Variants in PPM1E observed in about 807,000 individuals in gnomAD.
The protein encoded by PPM1E is protein phosphatase, Mg2+/Mn2+ dependent 1E, also known as protein phosphatase 1E.
Under a neutral mutation model 65.9 loss-of-function variants are expected in PPM1E, and 20 were observed. The observed-to-expected ratio is 0.30, with a 90% CI of 0.21 to 0.44. The LOEUF is 0.44. PPM1E is among the 20% of genes least tolerant of loss of function. The pLI is 1.00. For synonymous variants in PPM1E, 352 were observed against 374.9 expected (o/e 0.94, Z 0.70); for missense variants, 713 against 953.1 (o/e 0.75, Z 3.32).
At chr17:58,833,015 G>A (rs1332696691) in intron 1 of PPM1E, among the ~76,000 whole-genome samples, 4 of 151,688 alleles carry the variant, frequency 2.6e-5, no homozygotes, top group South Asian at 2.1e-4. Context: ...TAGTAGAGAC[G>A]GGGTTTCACC....
chr17:58,953,030 C>A (rs1200546425), intron 1 of PPM1E, among the ~76,000 whole-genome samples: 1 of 152,118 alleles, frequency 6.6e-6, no homozygotes, highest in Non-Finnish European at 1.5e-5. Flanking sequence ...TGACTGAAAA[C>A]CTATGAGCTA....
intron 1 of PPM1E, among the ~76,000 whole-genome samples, chr17:58,853,762 CAG>C (rs1419930827): frequency 1.3e-5 from 2 of 152,072 alleles, no homozygotes; most frequent in African/African-American, 4.8e-5. Flanking sequence ...ACCCGGGAGA[CAG>C]AGGTTGCAGT....
chr17:58,845,381 A>G (rs2050761105), intron 1 of PPM1E, among the ~76,000 whole-genome samples: 1 of 151,766 alleles, frequency 6.6e-6, no homozygotes. Context: ...TAAGTATACA[A>G]TTTATTGGTA....
At chr17:58,787,444 A>T (rs886885914) in intron 1 of PPM1E, among the ~76,000 whole-genome samples, 2 of 152,008 alleles carry the variant, frequency 1.3e-5, no homozygotes, top group Admixed American at 6.6e-5. Flanking sequence ...TTTGTTTGGT[A>T]AAAATGGAAA....
At chr17:58,798,435 G>C (rs1232700617) in intron 1 of PPM1E, among the ~76,000 whole-genome samples, 1 of 150,928 alleles carries the variant, frequency 6.6e-6, no homozygotes, top group Non-Finnish European at 1.5e-5. Flanking sequence ...ATGTTGGTCA[G>C]ACTGGTCTCG....
intron 1 of PPM1E, among the ~76,000 whole-genome samples, chr17:58,851,724 G>C (rs996141472): frequency 8.5e-5 from 13 of 152,176 alleles, no homozygotes; most frequent in African/African-American, 3.1e-4. Context: ...GCTACTCCTG[G>C]GTCAGGGACC....
intron 1 of PPM1E, among the ~76,000 whole-genome samples, chr17:58,876,760 C>A (rs1170281672): frequency 6.6e-6 from 1 of 152,138 alleles, no homozygotes; most frequent in Non-Finnish European, 1.5e-5. Context: ...AAAAAATATA[C>A]CTGTCAGTTG....
At chr17:58,874,489 C>A (rs990222302) in intron 1 of PPM1E, among the ~76,000 whole-genome samples, 3 of 152,084 alleles carry the variant, frequency 2.0e-5, no homozygotes, top group Non-Finnish European at 2.9e-5. Context: ...CTAATAGTTA[C>A]AGAAATCTTC....
At chr17:58,796,784 C>T (rs1003689682) in intron 1 of PPM1E, among the ~76,000 whole-genome samples, 16 of 152,058 alleles carry the variant, frequency 1.1e-4, no homozygotes, top group Non-Finnish European at 2.9e-5. Context: ...ATACATCATT[C>T]TATCCATTTT....
intron 1 of PPM1E, among the ~76,000 whole-genome samples, chr17:58,941,691 CAAA>C (rs772567524): frequency 3.2e-5 from 2 of 63,044 alleles, no homozygotes; most frequent in African/African-American, 1.3e-4. Context: ...GACTCCATCT[CAAA>C]AAAAAAAAAA....
Position 58,980,659 on chromosome 17 carries a change from G to C in PPM1E, c.1896G>C (p.Leu632Phe). 6.2e-7 allele frequency: 1 copy of C among 1,614,130 alleles called. No homozygotes were observed. Among genetic ancestry groups the C allele is most frequent in the South Asian group, 1.1e-5 (1 of 91,076 alleles). ...GAGEFPTAFN[L>F]GSTGEQIYRM... ...GAGAGTTTCCCACTGCTTTCAATTT[G>C]GGTTCAACAGGGGAGCAGATATACA... The change falls in exon 7 of 7, where the codon TTG becomes TTC. Residue 632 changes from leucine to phenylalanine, a missense_variant. Physicochemically the swap from Leu to Phe is conservative, Grantham distance 22 (BLOSUM62 0). Coordinates refer to ENST00000308249, the MANE Select transcript of PPM1E (RefSeq NM_014906.5). The surrounding 1 kb of genome is among the most constrained non-coding windows in gnomAD (Gnocchi z 4.7).
At chr17:58,793,648 G>C (rs2050178081) in intron 1 of PPM1E, among the ~76,000 whole-genome samples, 1 of 152,002 alleles carries the variant, frequency 6.6e-6, no homozygotes, top group South Asian at 2.1e-4. Flanking sequence ...GAGCCACTGT[G>C]CCTGGCCAAA....
At chr17:58,928,856 C>G (rs2051857669) in intron 1 of PPM1E, among the ~76,000 whole-genome samples, 1 of 151,996 alleles carries the variant, frequency 6.6e-6, no homozygotes, top group Admixed American at 6.6e-5. Context: ...GCGCCCACCA[C>G]CACGCCCGGC....
At chr17:58,777,514 C>T (rs2050005789) in intron 1 of PPM1E, among the ~76,000 whole-genome samples, 1 of 151,956 alleles carries the variant, frequency 6.6e-6, no homozygotes, top group Non-Finnish European at 1.5e-5. Flanking sequence ...AATATGACAC[C>T]AGTATGAAAC....
chr17:58,784,528 G>A (rs1011681735), intron 1 of PPM1E, among the ~76,000 whole-genome samples: 10 of 144,042 alleles, frequency 6.9e-5, no homozygotes, highest in African/African-American at 2.5e-4. Context: ...TTGAGACGGA[G>A]TCTTTATTTT....
chr17:58,927,885 C>CCT (rs1393263129), intron 1 of PPM1E, among the ~76,000 whole-genome samples: 1 of 151,908 alleles, frequency 6.6e-6, no homozygotes, highest in Non-Finnish European at 1.5e-5. Context: ...ATGGTGAAAC[C>CCT]CTCTCTCTGT....
At chr17:58,951,014 G>A (rs939921855) in intron 1 of PPM1E, among the ~76,000 whole-genome samples, 6 of 152,172 alleles carry the variant, frequency 3.9e-5, no homozygotes, top group African/African-American at 9.6e-5. Context: ...TCCTGACCTC[G>A]TGATCTGCCC....
intron 1 of PPM1E, among the ~76,000 whole-genome samples, chr17:58,837,631 G>C (rs921280680): frequency 6.6e-6 from 1 of 151,698 alleles, no homozygotes; most frequent in African/African-American, 2.4e-5. Flanking sequence ...CTGAGTAGCT[G>C]GGATTACAGG....
rs553759813 is a variant in PPM1E at position 58,957,334 on chromosome 17, A to G, written c.583+1567A>G. On this transcript the variant is annotated intron_variant, in intron 2 of 6. Coordinates refer to ENST00000308249, the MANE Select transcript of PPM1E (RefSeq NM_014906.5). ...AGAATACTTAATCTAGAAAGATTGCAGTGTTGCCCTACATGCCTACTTTGG... is the reference window on the plus strand; with the variant it reads ...AGAATACTTAATCTAGAAAGATTGCGGTGTTGCCCTACATGCCTACTTTGG... Among the ~76,000 whole-genome samples, 21 of 152,336 alleles carry G rather than the reference A, an allele frequency of 1.4e-4. No individual in the cohort carries two copies. The South Asian group carries it at 3.5e-3, about 26-fold the overall frequency.
Sources: gnomAD v4.1 joint callset for allele counts (sites outside exome capture counted in the v4.1 genomes callset) on GRCh38, gnomAD v4.1.1 for gene constraint, Gnocchi (gnomAD v3.1) non-coding constraint, MANE v1.5 for transcripts, NCBI Gene and HGNC (gene_info 2026-07-23, HGNC 2026-07-21) for gene names.